Variants in NOVA1 observed in about 807,000 individuals in gnomAD.
The protein encoded by NOVA1 is NOVA alternative splicing regulator 1.
A neutral mutation model predicts 38.0 loss-of-function variants in NOVA1; 7 were observed. That is an observed-to-expected ratio of 0.18 (90% confidence interval 0.10 to 0.35). The LOEUF (loss-of-function observed/expected upper bound fraction) is 0.35. Ranked by LOEUF, NOVA1 falls within the 10% of genes least tolerant of loss-of-function variation. The pLI, the probability that NOVA1 is intolerant of heterozygous loss-of-function variation, is 1.00. For missense variants in NOVA1, 460 were observed against 616.0 expected (o/e 0.75, Z 2.68); for synonymous variants, 270 against 232.5 (o/e 1.16, Z -1.47).
At chr14:26,562,006 C>T (rs1021270446) in intron 2 of NOVA1, among the ~76,000 whole-genome samples, 2 of 152,158 alleles carry the variant, frequency 1.3e-5, no homozygotes, top group African/African-American at 4.8e-5. Context: ...TTACTCTTCA[C>T]TCTATAAGTT....
chr14:26,446,408 G>A lies in NOVA1; in HGVS notation c.*1551C>T, dbSNP rs902465740. ...GCATCACACTCATTGTTCTTTAATT[G>A]GTTGCACAGAAAGGAGCAGCTGGGA... On this transcript the variant is annotated 3_prime_UTR_variant, in exon 5 of 5. Coordinates refer to ENST00000539517, the MANE Select transcript of NOVA1 (RefSeq NM_002515.3). The A allele has an allele frequency of 1.3e-5, 2 of 152,636 alleles. No individual in the cohort carries two copies. The highest frequency in any genetic ancestry group is 4.8e-5 in the African/African-American group (2 of 41,426). 9.5% of individuals were successfully genotyped at this position (152,636 alleles called of 1,614,324 possible). A position where few individuals can be genotyped will look rare whatever the true frequency, so the allele number is the denominator to read the frequency against.
At chr14:26,493,361 A>G (rs993264227) in intron 2 of NOVA1, among the ~76,000 whole-genome samples, 2 of 152,234 alleles carry the variant, frequency 1.3e-5, no homozygotes, top group African/African-American at 4.8e-5. Context: ...AGAATATTAC[A>G]GATCTATGTT....
chr14:26,448,141 G>A lies in NOVA1; in HGVS notation c.1342C>T (p.Gln448Ter). ...TGTATCCTTGCACCAGTCAACTCCT[G>A]GTATTCCACTAATGTTTTCCCTCCT... ...GKGGKTLVEYQELTGARIQIS... is the reference protein window; with the variant it reads ...GKGGKTLVEY Residue 448 changes from glutamine to a stop codon, truncating the protein, a stop_gained, in exon 5 of 5, where the codon CAG becomes TAG. Transcript: ENST00000539517. LOFTEE classifies it high-confidence loss of function. The surrounding 1 kb of genome is among the most constrained non-coding windows in gnomAD (Gnocchi z 5.3). 6.2e-7 allele frequency: 1 copy of A among 1,614,080 alleles called. No homozygotes were observed. The highest frequency in any genetic ancestry group is 8.5e-7 in the Non-Finnish European group (1 of 1,180,010).
At chr14:26,558,860 T>C (rs1891648216) in intron 2 of NOVA1, among the ~76,000 whole-genome samples, 1 of 152,128 alleles carries the variant, frequency 6.6e-6, no homozygotes, top group Non-Finnish European at 1.5e-5. Flanking sequence ...TAAAATACTC[T>C]AGCCTACATA....
At chr14:26,486,822 T>C (rs1885951563) in intron 2 of NOVA1, among the ~76,000 whole-genome samples, 1 of 151,846 alleles carries the variant, frequency 6.6e-6, no homozygotes, top group Admixed American at 6.6e-5. Context: ...TCATTTTTCT[T>C]TATTTCCAAG....
At chr14:26,564,179 C>T (rs1891990225) in intron 2 of NOVA1, among the ~76,000 whole-genome samples, 1 of 152,020 alleles carries the variant, frequency 6.6e-6, no homozygotes, top group African/African-American at 2.4e-5. Flanking sequence ...CACTTCAGGA[C>T]CTCATAGGGC....
chr14:26,581,428 G>T, intron 2 of NOVA1, among the ~76,000 whole-genome samples: 1 of 151,840 alleles, frequency 6.6e-6, no homozygotes, highest in Non-Finnish European at 1.5e-5. Flanking sequence ...ATCTTACAGG[G>T]CCAAATGAAG....
intron 2 of NOVA1, among the ~76,000 whole-genome samples, chr14:26,578,327 A>G (rs192535534): frequency 3.0e-4 from 44 of 145,530 alleles, no homozygotes; most frequent in South Asian, 4.6e-4. Flanking sequence ...TAATTACCAG[A>G]ACAGGAAGTG....
chr14:26,533,492 T>C (rs1033494674), intron 2 of NOVA1, among the ~76,000 whole-genome samples: 2 of 152,182 alleles, frequency 1.3e-5, no homozygotes, highest in Non-Finnish European at 1.5e-5. Context: ...TCAGGAATAA[T>C]CCATAATACA....
At chr14:26,507,438 C>G (rs1190997223) in intron 2 of NOVA1, among the ~76,000 whole-genome samples, 2 of 152,106 alleles carry the variant, frequency 1.3e-5, no homozygotes, top group Non-Finnish European at 2.9e-5. Context: ...CAAATCCATC[C>G]CAGCTTTGTT....
chr14:26,550,585 A>G (rs1335350546), intron 2 of NOVA1, among the ~76,000 whole-genome samples: 3 of 152,172 alleles, frequency 2.0e-5, no homozygotes, highest in Non-Finnish European at 4.4e-5. Context: ...TGGAATCAGA[A>G]AATCAAATTC....
chr14:26,515,992 T>A (rs1888436411), intron 2 of NOVA1, among the ~76,000 whole-genome samples: 1 of 152,164 alleles, frequency 6.6e-6, no homozygotes, highest in Admixed American at 6.5e-5. Flanking sequence ...TTTCTAAAGT[T>A]ATTTTATCCA....
intron 2 of NOVA1, among the ~76,000 whole-genome samples, chr14:26,589,964 C>G (rs930088419): frequency 1.2e-4 from 18 of 151,840 alleles, no homozygotes; most frequent in African/African-American, 4.1e-4. Context: ...CGTTTTATAC[C>G]ATGACACTTC....
At position 26,447,929 on chromosome 14, in the gene NOVA1, T is replaced by C. The variant is rs762862433; in HGVS notation, c.*30A>G. 2.5e-6 allele frequency: 4 copies of C among 1,591,830 alleles called. No homozygotes were observed. The highest frequency in any genetic ancestry group is 3.3e-5 in the Admixed American group (2 of 59,820). On this transcript the variant is annotated 3_prime_UTR_variant, in exon 5 of 5. Coordinates refer to ENST00000539517, the MANE Select transcript of NOVA1 (RefSeq NM_002515.3). ...TCTTGAAAATGGGGTAAAGGAGGGG[T>C]TAAAACAATCTGATGTGTAACTGGG...
chr14:26,445,691 C>T lies in NOVA1; in HGVS notation c.*2268G>A, dbSNP rs1476451917. ...TTTTAAAGACCCAACATTTGAAATG[C>T]TTCTAGTACACATCCTAGATCACTT... On this transcript the variant is annotated 3_prime_UTR_variant, in exon 5 of 5. Transcript: ENST00000539517. 6.6e-6 allele frequency: 1 copy of T among 152,168 alleles called. No homozygotes were observed. The highest frequency in any genetic ancestry group is 2.4e-5 in the African/African-American group (1 of 41,426). 9.4% of individuals were successfully genotyped at this position (152,168 alleles called of 1,614,324 possible).
At chr14:26,514,823 C>T (rs1479764507) in intron 2 of NOVA1, among the ~76,000 whole-genome samples, 1 of 151,438 alleles carries the variant, frequency 6.6e-6, no homozygotes, top group Non-Finnish European at 1.5e-5. Context: ...GACAAACACA[C>T]TAAAAACTAT....
At chr14:26,517,309 C>G (rs1888541951) in intron 2 of NOVA1, among the ~76,000 whole-genome samples, 1 of 152,140 alleles carries the variant, frequency 6.6e-6, no homozygotes, top group South Asian at 2.1e-4. Context: ...CCACCTAACA[C>G]CATGACTTAT....
intron 2 of NOVA1, among the ~76,000 whole-genome samples, chr14:26,528,453 A>C (rs1482757850): frequency 6.6e-6 from 1 of 152,178 alleles, no homozygotes; most frequent in East Asian, 1.9e-4. Context: ...AGTATGGGTA[A>C]GGTAGAGGGT....
chr14:26,451,527 C>T (rs1175029358), intron 4 of NOVA1, among the ~76,000 whole-genome samples: 1 of 152,048 alleles, frequency 6.6e-6, no homozygotes, highest in African/African-American at 2.4e-5. Context: ...CGCCACCATG[C>T]CCAGATAATT....
Sources: allele counts gnomAD v4.1 joint callset (sites outside exome capture counted in the v4.1 genomes callset), GRCh38; gene constraint gnomAD v4.1.1; non-coding constraint Gnocchi (gnomAD v3.1); transcripts MANE v1.5; gene names NCBI Gene and HGNC (gene_info 2026-07-23, HGNC 2026-07-21).